Variants in TRHDE observed in about 807,000 individuals in gnomAD.
TRHDE encodes the protein thyrotropin-releasing hormone-degrading ectoenzyme.
TRHDE carries 72 observed loss-of-function variants against 125.7 expected under a neutral mutation model. That is an observed-to-expected ratio of 0.57 (90% CI 0.47 to 0.70). TRHDE has a LOEUF of 0.70. Ranked by LOEUF, TRHDE falls within the 30% of genes least tolerant of loss-of-function variation. The pLI is 0.00. For missense variants in TRHDE, 1,110 were observed against 1,327.1 expected, an observed-to-expected ratio of 0.84 and a Z score of 2.54; for synonymous variants, 509 against 509.1, an observed-to-expected ratio of 1.00 and a Z score of 0.00.
rs1872938301 is a variant in TRHDE, at chr12:72,619,047, A to T, written c.2469+9A>T. ...ACTACAACATTTTCAATGTAAAAAGATATAATTTTTCTTTCTAATTTTTAG... is the reference window on the plus strand; with the variant it reads ...ACTACAACATTTTCAATGTAAAAAGTTATAATTTTTCTTTCTAATTTTTAG... On this transcript the variant is annotated intron_variant, in intron 13 of 18. Coordinates refer to ENST00000261180, the MANE Select transcript of TRHDE (RefSeq NM_013381.3). 1 of 1,536,898 alleles carries T rather than the reference A, an allele frequency of 6.5e-7. No homozygotes were observed. Among genetic ancestry groups the T allele is most frequent in the South Asian group, 1.3e-5 (1 of 79,194 alleles).
At chr12:72,539,096 C>G (rs981739256) in intron 6 of TRHDE, among the ~76,000 whole-genome samples, 1 of 151,862 alleles carries the variant, frequency 6.6e-6, no homozygotes, top group Non-Finnish European at 1.5e-5. Flanking sequence ...TCATGGAACC[C>G]TTATCCATCC....
intron 3 of TRHDE, among the ~76,000 whole-genome samples, chr12:72,410,559 G>A (rs959788271): frequency 2.0e-5 from 3 of 152,014 alleles, no homozygotes; most frequent in Non-Finnish European, 4.4e-5. Flanking sequence ...TGTGAAATTA[G>A]TTGGACATTA....
intron 3 of TRHDE, among the ~76,000 whole-genome samples, chr12:72,402,566 T>C (rs938386169): frequency 6.6e-6 from 1 of 152,200 alleles, no homozygotes; most frequent in Admixed American, 6.5e-5. Flanking sequence ...TCTTTTTATA[T>C]CGACACCAGT....
chr12:72,387,864 T>A (rs1872490562), intron 3 of TRHDE, among the ~76,000 whole-genome samples: 1 of 152,200 alleles, frequency 6.6e-6, no homozygotes, highest in African/African-American at 2.4e-5. Context: ...GCCATGATTG[T>A]GAGGCCTCCC....
At chr12:72,437,903 T>C (rs1874816474) in intron 3 of TRHDE, among the ~76,000 whole-genome samples, 2 of 151,846 alleles carry the variant, frequency 1.3e-5, no homozygotes, top group South Asian at 4.1e-4. Context: ...AAATTTTGTA[T>C]GTTTGAGCCA....
intron 1 of TRHDE, among the ~76,000 whole-genome samples, chr12:72,104,902 T>A (rs1479683439): frequency 6.6e-6 from 1 of 152,180 alleles, no homozygotes; most frequent in Non-Finnish European, 1.5e-5. Flanking sequence ...ACATCTCTCA[T>A]CTTTGCCTCT....
chr12:72,521,029 A>G (rs1338408605), intron 6 of TRHDE, among the ~76,000 whole-genome samples: 59 of 152,344 alleles, frequency 3.9e-4, no homozygotes, highest in Non-Finnish European at 4.4e-5. Flanking sequence ...GAGTAGCAGA[A>G]CCAACATTTC....
intron 2 of TRHDE, among the ~76,000 whole-genome samples, chr12:72,308,945 C>A (rs1689355894): frequency 6.6e-6 from 1 of 151,942 alleles, no homozygotes; most frequent in South Asian, 2.1e-4. Context: ...AAGTTCATTT[C>A]TTTGTTCTTT....
chr12:72,320,658 CAG>C (rs1212500565), intron 2 of TRHDE, among the ~76,000 whole-genome samples: 1 of 151,614 alleles, frequency 6.6e-6, no homozygotes, highest in Non-Finnish European at 1.5e-5. Context: ...TCTATCACTG[CAG>C]AGTTTTACCT....
At chr12:72,569,647 C>T (rs1870625992) in intron 10 of TRHDE, among the ~76,000 whole-genome samples, 1 of 152,158 alleles carries the variant, frequency 6.6e-6, no homozygotes, top group African/African-American at 2.4e-5. Flanking sequence ...CGAACACTTA[C>T]AGTTCCATGC....
At chr12:72,216,502 A>G (rs1334621475) in intron 2 of TRHDE, among the ~76,000 whole-genome samples, 5 of 152,170 alleles carry the variant, frequency 3.3e-5, no homozygotes, top group Non-Finnish European at 5.9e-5. Context: ...CTCTTCTGAG[A>G]GGAGGGAATA....
At chr12:72,498,477 G>A (rs1018285766) in intron 5 of TRHDE, among the ~76,000 whole-genome samples, 8 of 152,110 alleles carry the variant, frequency 5.3e-5, no homozygotes, top group South Asian at 4.1e-4. Context: ...CAATTTAAGC[G>A]TTGGAGTCTT....
At chr12:72,476,789 G>A (rs1876915252) in intron 5 of TRHDE, among the ~76,000 whole-genome samples, 1 of 152,150 alleles carries the variant, frequency 6.6e-6, no homozygotes, top group African/African-American at 2.4e-5. Flanking sequence ...GTATTGTTAA[G>A]GAGGCTCTTG....
intron 7 of TRHDE, among the ~76,000 whole-genome samples, chr12:72,547,923 T>G (rs1405401626): frequency 6.6e-6 from 1 of 151,884 alleles, no homozygotes; most frequent in Non-Finnish European, 1.5e-5. Context: ...CTTTAGCACC[T>G]CATTTTTGTT....
At chr12:72,367,096 C>CA (rs1348651611) in intron 2 of TRHDE, among the ~76,000 whole-genome samples, 3 of 152,040 alleles carry the variant, frequency 2.0e-5, no homozygotes, top group Non-Finnish European at 4.4e-5. Context: ...TTTTACTCCC[C>CA]ATCCATCACC....
At chr12:72,153,540 T>C (rs987337618) in intron 2 of TRHDE, among the ~76,000 whole-genome samples, 1 of 152,250 alleles carries the variant, frequency 6.6e-6, no homozygotes, top group Non-Finnish European at 1.5e-5. Flanking sequence ...TTTAGTGCTA[T>C]AAATTTCCCT....
At chr12:72,114,604 C>T (rs1875399009) in intron 2 of TRHDE, among the ~76,000 whole-genome samples, 1 of 152,004 alleles carries the variant, frequency 6.6e-6, no homozygotes, top group Non-Finnish European at 1.5e-5. Context: ...CTTGGGCTTG[C>T]TGTCAAAGGG....
chr12:72,152,171 G>T (rs1006656313), intron 2 of TRHDE, among the ~76,000 whole-genome samples: 22 of 150,618 alleles, frequency 1.5e-4, no homozygotes, highest in African/African-American at 4.7e-4. Flanking sequence ...GTGAATGGGA[G>T]TTCACTCATG....
At chr12:72,358,347 C>T (rs1405990071) in intron 2 of TRHDE, among the ~76,000 whole-genome samples, 2 of 151,540 alleles carry the variant, frequency 1.3e-5, no homozygotes, top group African/African-American at 4.8e-5. Context: ...TATGAAAGAC[C>T]TTTATGATGA....
Sources: gnomAD v4.1 joint callset for allele counts (sites outside exome capture counted in the v4.1 genomes callset) on GRCh38, gnomAD v4.1.1 for gene constraint, MANE v1.5 for transcripts, NCBI Gene and HGNC (gene_info 2026-07-23, HGNC 2026-07-21) for gene names.